ARSJ: variants seen among roughly 807,000 people sequenced by gnomAD.
ARSJ encodes arylsulfatase family member J.
A neutral mutation model predicts 35.9 loss-of-function variants in ARSJ; 26 were observed. The ratio of observed to expected loss-of-function variants is 0.72; its 90% confidence interval spans 0.53 to 1.00. The LOEUF is 1.00. ARSJ is among the 50% of genes least tolerant of loss of function. ARSJ has a pLI of 0.00. For missense variants in ARSJ, 667 were observed against 723.6 expected (o/e 0.92, Z 0.90); for synonymous variants, 294 against 267.6 (o/e 1.10, Z -0.96).
At position 113,903,010 on chromosome 4, in the gene ARSJ, GC is replaced by G; in HGVS notation, c.1063del (p.Ala355LeufsTer2). 1 of 1,614,158 alleles carries G rather than the reference GC, an allele frequency of 6.2e-7. No homozygotes were observed. The highest frequency in any genetic ancestry group is 2.2e-5 in the East Asian group (1 of 44,890). On this transcript the variant is annotated frameshift_variant, in exon 2 of 2. Coordinates refer to ENST00000315366, the MANE Select transcript of ARSJ (RefSeq NM_024590.4). LOFTEE classifies it high-confidence loss of function. ...KGTYWEGGIR[A>X]VGFVHSPLLK... ...AAGTGGGCTATGCACAAAGCCTACA[GC>G]CCGGATCCCTCCTTCCCAATATGTT...
Position 113,902,990 on chromosome 4 carries a change from G to T in ARSJ, c.1084C>A (p.Pro362Thr), listed in dbSNP as rs549191458. The T allele has an allele frequency of 2.6e-4, 427 of 1,614,098 alleles. 3 individuals are homozygous for T. In the South Asian group the frequency reaches 4.4e-3, roughly 17 times the overall value. The change falls in exon 2 of 2, where the codon CCA becomes ACA. Residue 362 changes from proline (P) to threonine (T), a missense_variant. Transcript: ENST00000315366. ...ACTGTTCCCTTGTTTTTCAGAAGTG[G>T]GCTATGCACAAAGCCTACAGCCCGG... ...GIRAVGFVHS[P>T]LLKNKGTVCK...
chr4:113,916,109 G>C (rs1161689053), intron 1 of ARSJ, among the ~76,000 whole-genome samples: 10 of 152,178 alleles, frequency 6.6e-5, no homozygotes. Context: ...GTGAGAAAAT[G>C]AATATTTTAT....
intron 1 of ARSJ, among the ~76,000 whole-genome samples, chr4:113,950,373 G>A (rs1389752016): frequency 1.3e-5 from 2 of 152,180 alleles, no homozygotes; most frequent in Admixed American, 6.5e-5. Context: ...GAAGGGAAAA[G>A]CTATTCCTAG....
chr4:113,979,585 G>C lies in ARSJ; in HGVS notation c.-751C>G, dbSNP rs986452267. 1 of 152,424 alleles carries C rather than the reference G, an allele frequency of 6.6e-6. No individual in the cohort carries two copies. The highest frequency in any genetic ancestry group is 1.9e-4 in the East Asian group (1 of 5,186). The allele number at this position is 152,424 out of a possible 1,614,324, so 9.4% of individuals were successfully genotyped here. On this transcript the variant is annotated 5_prime_UTR_variant, in exon 1 of 2. Transcript: ENST00000315366. ...AAGCCGGGTCCCTAGCCCCGCGGCC[G>C]GTCCGCGCGGAGCCCGCTTGGTCTT... is the stretch of plus-strand genomic sequence containing the variant.
intron 1 of ARSJ, among the ~76,000 whole-genome samples, chr4:113,964,665 G>T (rs1726777743): frequency 6.6e-6 from 1 of 151,942 alleles, no homozygotes; most frequent in Non-Finnish European, 1.5e-5. Flanking sequence ...AAAAATAAAA[G>T]AGACAAAGAT....
intron 1 of ARSJ, among the ~76,000 whole-genome samples, chr4:113,945,429 T>C (rs548678681): frequency 1.3e-5 from 2 of 152,218 alleles, no homozygotes; most frequent in South Asian, 2.1e-4. Context: ...AGAGCCACCA[T>C]ACGTGGCCCT....
intron 1 of ARSJ, among the ~76,000 whole-genome samples, chr4:113,905,723 A>G (rs909407923): frequency 4.2e-5 from 5 of 119,188 alleles, no homozygotes; most frequent in Non-Finnish European, 6.4e-5. Context: ...GCTGGAGTGC[A>G]GTGGCACGAT....
chr4:113,902,543 T>A lies in ARSJ; in HGVS notation c.1531A>T (p.Arg511Trp). The A allele has an allele frequency of 6.2e-7, 1 of 1,614,156 alleles. No individual in the cohort carries two copies. Among genetic ancestry groups the A allele is most frequent in the Admixed American group, 1.7e-5 (1 of 60,022 alleles). The change falls in exon 2 of 2, where the codon AGG becomes TGG. Residue 511 changes from arginine to tryptophan, a missense_variant. Arg to Trp is a moderately radical substitution (Grantham distance 101). Transcript: ENST00000315366. ...DPYERVDLSN[R>W]YPGIVKKLLR... Reference sequence around the variant, plus strand: ...AGCTTCTTCACGATTCCTGGATACCTGTTAGATAGGTCCACCCTCTCATAT... The same window carrying A: ...AGCTTCTTCACGATTCCTGGATACCAGTTAGATAGGTCCACCCTCTCATAT...
intron 1 of ARSJ, among the ~76,000 whole-genome samples, chr4:113,959,694 A>C (rs1378662390): frequency 6.6e-6 from 1 of 152,200 alleles, no homozygotes; most frequent in Non-Finnish European, 1.5e-5. Context: ...TATATTAAAC[A>C]TGTTTTTTTC....
intron 1 of ARSJ, 78 bp from the exon 2 acceptor site, chr4:113,903,753 A>C: frequency 6.8e-7 from 1 of 1,477,902 alleles, no homozygotes; most frequent in Non-Finnish European, 9.1e-7. Flanking sequence ...CCCTAAATTA[A>C]AAAATGTTTC....
chr4:113,906,949 G>A (rs1025626034), intron 1 of ARSJ, among the ~76,000 whole-genome samples: 1 of 152,164 alleles, frequency 6.6e-6, no homozygotes, highest in African/African-American at 2.4e-5. Flanking sequence ...CTGCAACAGT[G>A]AGAAGTCAGA....
At chr4:113,972,119 C>T (rs1199321149) in intron 1 of ARSJ, among the ~76,000 whole-genome samples, 1 of 152,012 alleles carries the variant, frequency 6.6e-6, no homozygotes, top group Non-Finnish European at 1.5e-5. Flanking sequence ...CACTACCATC[C>T]ACAGAGGAGG....
At chr4:113,909,720 C>T (rs544218109) in intron 1 of ARSJ, among the ~76,000 whole-genome samples, 4 of 152,274 alleles carry the variant, frequency 2.6e-5, no homozygotes, top group African/African-American at 7.2e-5. Flanking sequence ...AATTAAACCT[C>T]TTTTCTTTAT....
At chr4:113,909,725 C>A (rs2099669856) in intron 1 of ARSJ, among the ~76,000 whole-genome samples, 1 of 152,144 alleles carries the variant, frequency 6.6e-6, no homozygotes, top group Admixed American at 6.6e-5. Flanking sequence ...AACCTCTTTT[C>A]TTTATAAAGT....
chr4:113,902,662 G>C lies in ARSJ; in HGVS notation c.1412C>G (p.Ser471Cys). 1 of 1,614,192 alleles carries C rather than the reference G, an allele frequency of 6.2e-7. No individual in the cohort carries two copies. The highest frequency in any genetic ancestry group is 8.5e-7 in the Non-Finnish European group (1 of 1,180,026). ...CCGGTTCGGTCCCAGGTTGCTGAAA[G>C]ACTGAGGGGGGACCCAGTCGCTGTA... ...PGYSDWVPPQ[S>C]FSNLGPNRWH... The change falls in exon 2 of 2, where the codon TCT becomes TGT. Residue 471 changes from serine (S) to cysteine (C), a missense_variant. Coordinates refer to ENST00000315366, the MANE Select transcript of ARSJ (RefSeq NM_024590.4).
intron 1 of ARSJ, among the ~76,000 whole-genome samples, chr4:113,909,692 CT>C (rs1298266539): frequency 6.6e-6 from 1 of 152,184 alleles, no homozygotes; most frequent in Non-Finnish European, 1.5e-5. Flanking sequence ...CCTCCCCAGC[CT>C]TGTGAAACTG....
intron 1 of ARSJ, among the ~76,000 whole-genome samples, chr4:113,923,477 C>G (rs553007018): frequency 2.5e-4 from 38 of 152,176 alleles, no homozygotes; most frequent in African/African-American, 7.7e-4. Flanking sequence ...GAGGAAAAAA[C>G]TTTTATTTCA....
At chr4:113,914,204 C>A (rs1170793704) in intron 1 of ARSJ, among the ~76,000 whole-genome samples, 1 of 152,034 alleles carries the variant, frequency 6.6e-6, no homozygotes, top group Non-Finnish European at 1.5e-5. Context: ...GAACTCCTGA[C>A]CTCATAATCC....
chr4:113,933,298 T>C (rs1281117965), intron 1 of ARSJ, among the ~76,000 whole-genome samples: 3 of 151,906 alleles, frequency 2.0e-5, no homozygotes, highest in East Asian at 1.9e-4. Context: ...CCAATTCTAC[T>C]AAAAATCTTC....
Sources: allele counts gnomAD v4.1 joint callset (sites outside exome capture counted in the v4.1 genomes callset), GRCh38; gene constraint gnomAD v4.1.1; transcripts MANE v1.5; gene names NCBI Gene and HGNC (gene_info 2026-07-23, HGNC 2026-07-21).